PDE8B: variants seen among roughly 807,000 people sequenced by gnomAD.
The protein encoded by PDE8B is phosphodiesterase 8B.
Under a neutral mutation model 101.3 loss-of-function variants are expected in PDE8B, and 26 were observed. The observed-to-expected ratio is 0.26, with a 90% CI of 0.19 to 0.36. The LOEUF (loss-of-function observed/expected upper bound fraction) is 0.36. Among genes scored for constraint, PDE8B ranks in the 10% least tolerant of loss-of-function variants. The pLI, the probability that PDE8B is intolerant of heterozygous loss-of-function variation, is 1.00. For synonymous variants in PDE8B, 424 were observed against 429.3 expected, an observed-to-expected ratio of 0.99 and a Z score of 0.15; for missense variants, 810 against 1,163.1, an observed-to-expected ratio of 0.70 and a Z score of 4.42.
rs568176050 is a variant in PDE8B at position 77,216,385 on chromosome 5, G to A, written c.339+5121G>A. On this transcript the variant is annotated intron_variant, in intron 1 of 21. Coordinates refer to ENST00000264917, the MANE Select transcript of PDE8B (RefSeq NM_003719.5). ...AGGCCTCACAATCATGGCCAAAGGC[G>A]AAAGGCATGTCTTACATGGTGGCAG... Among the ~76,000 whole-genome samples the A allele has an allele frequency of 2.0e-4, 31 of 152,274 alleles. 1 individual carries two copies. The highest frequency in any genetic ancestry group is 7.7e-4 in the East Asian group (4 of 5,170).
chr5:77,372,338 CT>C (rs1785214683), intron 10 of PDE8B, among the ~76,000 whole-genome samples: 1 of 152,208 alleles, frequency 6.6e-6, no homozygotes, highest in Non-Finnish European at 1.5e-5. Context: ...AAAGTCATGT[CT>C]TTCACATCTA....
At chr5:77,268,029 T>C (rs1762086329) in intron 1 of PDE8B, among the ~76,000 whole-genome samples, 1 of 151,774 alleles carries the variant, frequency 6.6e-6, no homozygotes, top group African/African-American at 2.4e-5. Context: ...TATCTTCATT[T>C]AACAGGTTAA....
chr5:77,185,981 A>G, the PDE8B span, among the ~76,000 whole-genome samples: 1 of 152,218 alleles, frequency 6.6e-6, no homozygotes, highest in Admixed American at 6.5e-5. Flanking sequence ...AAATGGGAAT[A>G]GTAATACTTC....
chr5:77,366,763 C>T (rs1784223720), intron 10 of PDE8B, among the ~76,000 whole-genome samples: 1 of 152,186 alleles, frequency 6.6e-6, no homozygotes, highest in Non-Finnish European at 1.5e-5. Context: ...GCCCCAGAGA[C>T]ATGTTCTATA....
At chr5:77,397,650 A>C (rs980970184) in intron 10 of PDE8B, among the ~76,000 whole-genome samples, 1 of 152,178 alleles carries the variant, frequency 6.6e-6, no homozygotes, top group Non-Finnish European at 1.5e-5. Context: ...TGTTTCTTAC[A>C]TTACTGGCTT....
the PDE8B span, among the ~76,000 whole-genome samples, chr5:77,154,481 T>G: frequency 6.6e-6 from 1 of 152,196 alleles, no homozygotes; most frequent in Admixed American, 6.5e-5. Context: ...CCTAAGATCA[T>G]GCAGAGGCCC....
intron 5 of PDE8B, among the ~76,000 whole-genome samples, chr5:77,336,453 A>G (rs1410644231): frequency 1.3e-5 from 2 of 152,178 alleles, no homozygotes; most frequent in Non-Finnish European, 2.9e-5. Flanking sequence ...CCTATTCTAG[A>G]TATTTCATAT....
chr5:77,199,532 T>A, the PDE8B span, among the ~76,000 whole-genome samples: 3 of 152,260 alleles, frequency 2.0e-5, no homozygotes, highest in Non-Finnish European at 4.4e-5. Context: ...AAAGATCAGA[T>A]CCCCCGTTAT....
intron 1 of PDE8B, among the ~76,000 whole-genome samples, chr5:77,304,766 TTTTTGATTGA>T (rs1397557127): frequency 1.1e-4 from 16 of 152,222 alleles, no homozygotes; most frequent in Non-Finnish European, 1.8e-4. Flanking sequence ...ATGAAAGAGA[TTTTTGATTGA>T]TTTTGATTGT....
At chr5:77,282,408 G>A (rs1017871796) in intron 1 of PDE8B, among the ~76,000 whole-genome samples, 1 of 152,054 alleles carries the variant, frequency 6.6e-6, no homozygotes, top group Non-Finnish European at 1.5e-5. Flanking sequence ...CCCACACTGC[G>A]CTGCCCCTTG....
intron 1 of PDE8B, among the ~76,000 whole-genome samples, chr5:77,284,889 C>T (rs559615570): frequency 3.2e-4 from 49 of 152,220 alleles, no homozygotes; most frequent in Admixed American, 1.2e-3. Flanking sequence ...TGAGATGTTT[C>T]CATTTGGAGC....
intron 13 of PDE8B, among the ~76,000 whole-genome samples, chr5:77,408,457 C>T (rs1349763691): frequency 6.6e-6 from 1 of 152,044 alleles, no homozygotes; most frequent in Non-Finnish European, 1.5e-5. Context: ...GTGAGATATT[C>T]CAGTAGGTAT....
intron 14 of PDE8B, among the ~76,000 whole-genome samples, chr5:77,410,003 G>A (rs933759839): frequency 2.0e-5 from 3 of 152,192 alleles, no homozygotes; most frequent in Admixed American, 1.3e-4. Context: ...GGTGGCCACC[G>A]CAGAGCTGCA....
chr5:77,270,929 A>G lies in PDE8B; in HGVS notation c.340-41065A>G, dbSNP rs541615194. ...ATCTCCTGAAAACAATACCCTTTCC[A>G]GTGTAGATCCTAGGCTCACCCCTCA... On this transcript the variant is annotated intron_variant, in intron 1 of 21. Coordinates refer to ENST00000264917, the MANE Select transcript of PDE8B (RefSeq NM_003719.5). 2.6e-5 allele frequency among the ~76,000 whole-genome samples: 4 copies of G among 152,244 alleles called. No individual in the cohort carries two copies. In the South Asian group the frequency reaches 8.3e-4, roughly 32 times the overall value.
At chr5:77,417,473 G>C (rs1795808843) in intron 17 of PDE8B, among the ~76,000 whole-genome samples, 1 of 152,180 alleles carries the variant, frequency 6.6e-6, no homozygotes, top group African/African-American at 2.4e-5. Context: ...ATTGGTACCT[G>C]GTAGGCACTC....
intron 17 of PDE8B, among the ~76,000 whole-genome samples, chr5:77,416,312 C>A (rs1795552259): frequency 6.6e-6 from 1 of 152,196 alleles, no homozygotes; most frequent in African/African-American, 2.4e-5. Flanking sequence ...GCCTGAGACT[C>A]CAAGCAGGAT....
intron 17 of PDE8B, among the ~76,000 whole-genome samples, chr5:77,417,882 T>C (rs192919755): frequency 2.0e-5 from 3 of 152,292 alleles, no homozygotes; most frequent in East Asian, 1.9e-4. Context: ...GCTAGGCAAA[T>C]TGGTAATAGT....
intron 1 of PDE8B, among the ~76,000 whole-genome samples, chr5:77,255,510 AC>A (rs1758932991): frequency 6.6e-6 from 1 of 152,130 alleles, no homozygotes; most frequent in Non-Finnish European, 1.5e-5. Flanking sequence ...ATGTGCCAGG[AC>A]CTTGAAGCCT....
At chr5:77,328,039 G>T (rs970166996) in intron 3 of PDE8B, among the ~76,000 whole-genome samples, 3 of 152,186 alleles carry the variant, frequency 2.0e-5, no homozygotes, top group South Asian at 2.1e-4. Context: ...AATGCCCACA[G>T]CCAGAGAGAA....
Sources: gnomAD v4.1 joint callset for allele counts (sites outside exome capture counted in the v4.1 genomes callset) on GRCh38, gnomAD v4.1.1 for gene constraint, MANE v1.5 for transcripts, NCBI Gene and HGNC (gene_info 2026-07-23, HGNC 2026-07-21) for gene names.